The following AMPD1 variants were observed in gnomAD, a reference collection of about 807,000 sequenced individuals.
AMPD1 encodes AMP deaminase 1.
Under a neutral mutation model 82.9 loss-of-function variants are expected in AMPD1, and 74 were observed. The ratio of observed to expected loss-of-function variants is 0.89; its 90% confidence interval spans 0.74 to 1.08. The LOEUF is 1.08. AMPD1 is among the 50% of genes least tolerant of loss of function. The pLI is 0.00. For missense variants in AMPD1, 881 were observed against 924.5 expected (o/e 0.95, Z 0.61); for synonymous variants, 333 against 320.5 (o/e 1.04, Z -0.42).
At chr1:114,678,151 G>C in intron 8 of AMPD1, 110 bp from the exon 9 acceptor site, 1 of 1,497,878 alleles carries the variant, frequency 6.7e-7, no homozygotes, top group Non-Finnish European at 9.2e-7. Flanking sequence ...GAGGGCATTG[G>C]GCTCCAAGAA....
chr1:114,678,924 G>C (rs1021461641), intron 7 of AMPD1, among the ~76,000 whole-genome samples: 2 of 152,196 alleles, frequency 1.3e-5, no homozygotes, highest in East Asian at 3.8e-4. Context: ...TGGCTTTTAT[G>C]AGGTAGATAT....
intron 11 of AMPD1, 64 bp downstream of exon 11, chr1:114,675,813 T>G: frequency 6.2e-7 from 1 of 1,613,642 alleles, no homozygotes; most frequent in South Asian, 1.1e-5. Context: ...CAAGAATTAG[T>G]CATGACCAGG....
chr1:114,677,216 A>G, intron 10 of AMPD1, 135 bp downstream of exon 10: 1 of 1,198,272 alleles, frequency 8.3e-7, no homozygotes, highest in Non-Finnish European at 1.2e-6. Flanking sequence ...CCAAGCATGC[A>G]GGACCCGATA....
At position 114,674,781 on chromosome 1, in the gene AMPD1, C is replaced by T. The variant is rs2101711039; in HGVS notation, c.1771G>A (p.Asp591Asn). Reference sequence around the variant, plus strand: ...TTTAAATTTAGGCCATGAGAGATATCATCTGCTATCATGAATGCTGTCATG... The same window carrying T: ...TTTAAATTTAGGCCATGAGAGATATTATCTGCTATCATGAATGCTGTCATG... The part of the protein sequence containing the change: ...HLMTAFMIAD[D>N]ISHGLNLKKS... The change falls in exon 13 of 16, where the codon GAT becomes AAT. Residue 591 changes from aspartate (D) to asparagine (N), a missense_variant. By Grantham distance (23) the Asp-to-Asn change is conservative. Transcript: ENST00000520113. 1 of 1,613,690 alleles carries T rather than the reference C, an allele frequency of 6.2e-7. No homozygotes were observed. Among genetic ancestry groups the T allele is most frequent in the Non-Finnish European group, 8.5e-7 (1 of 1,179,594 alleles).
rs991160083 is a variant in AMPD1 at position 114,688,491 on chromosome 1, A to G, written c.215+70T>C. 12 of 1,535,522 alleles carry G rather than the reference A, an allele frequency of 7.8e-6. No homozygotes were observed. The Admixed American group carries it at 1.7e-4, about 21-fold the overall frequency. Reference sequence around the variant, plus strand: ...TTGAACCATCATTTGGATAAATTGAACCATATCTTCCCTGGCAGATACCCC... The same window carrying G: ...TTGAACCATCATTTGGATAAATTGAGCCATATCTTCCCTGGCAGATACCCC... On this transcript the variant is annotated intron_variant, in intron 3 of 15. Transcript: ENST00000520113.
intron 7 of AMPD1, 114 bp from the exon 8 acceptor site, chr1:114,678,641 G>T: frequency 1.0e-6 from 1 of 969,980 alleles, no homozygotes. Context: ...GAATAATGAG[G>T]ATGTGAGCTG....
chr1:114,677,455 G>T lies in AMPD1; in HGVS notation c.1284C>A (p.Ile428=). Residue 428 remains isoleucine, a synonymous_variant, in exon 10 of 16, where the codon ATC becomes ATA. Transcript: ENST00000520113. ...TCCACTCATCAGGACTGCGGCCATAGATGGACAGGCGGGGCTCAGCATGCT... is the reference window on the plus strand; with the variant it reads ...TCCACTCATCAGGACTGCGGCCATATATGGACAGGCGGGGCTCAGCATGCT... ...KYQHAEPRLS[I]YGRSPDEWSK... The T allele has an allele frequency of 6.2e-7, 1 of 1,613,128 alleles. No individual in the cohort carries two copies. Among genetic ancestry groups the T allele is most frequent in the Middle Eastern group, 1.6e-4 (1 of 6,062 alleles).
In AMPD1 at chr1:114,673,995, C is replaced by A; in HGVS notation, c.1888G>T (p.Ala630Ser). Residue 630 changes from alanine to serine, a missense_variant, in exon 14 of 16, where the codon GCC becomes TCC. By Grantham distance (99) the Ala-to-Ser change is moderately conservative. Around this residue, in one of 2 missense-constraint regions of AMPD1, gnomAD observed 783 missense variants for 786.4 expected, o/e 1.00. Coordinates refer to ENST00000520113, the MANE Select transcript of AMPD1 (RefSeq NM_000036.3). ...AGGAAATCCAAAAAAGGATTTTTGG[C>A]ATACTCTAGAAATAGGCTATTGTTA... ...LSNNSLFLEYAKNPFLDFLQK... is the reference protein window; with the variant it reads ...LSNNSLFLEYSKNPFLDFLQK... 2 of 1,613,858 alleles carry A rather than the reference C, an allele frequency of 1.2e-6. No homozygotes were observed. Among genetic ancestry groups the A allele is most frequent in the Non-Finnish European group, 1.7e-6 (2 of 1,179,808 alleles).
rs1658418862 is a variant in AMPD1, at chr1:114,688,700, C to T, written c.76G>A (p.Ala26Thr). 1 of 1,614,076 alleles carries T rather than the reference C, an allele frequency of 6.2e-7. No individual in the cohort carries two copies. Among genetic ancestry groups the T allele is most frequent in the African/African-American group, 1.3e-5 (1 of 74,930 alleles). The change falls in exon 3 of 16, where the codon GCC becomes ACC. Residue 26 changes from alanine to threonine, a missense_variant. Ala to Thr is a moderately conservative substitution (Grantham distance 58, BLOSUM62 0). Transcript: ENST00000520113. ...CCTCCTTCATCTTTGACTTCAGAGG[C>T]AAACACTTTTTCAGCAAAGTTGCGC... ...AMRNFAEKVF[A>T]SEVKDEGGRQ...
At chr1:114,688,777 C>T (rs1368026117) in intron 2 of AMPD1, 36 bp from the exon 3 acceptor site, 39 of 1,612,602 alleles carry the variant, frequency 2.4e-5, no homozygotes, top group Non-Finnish European at 3.0e-5. Context: ...GTTCAAGCCC[C>T]TTTTCAAAAG....
intron 4 of AMPD1, among the ~76,000 whole-genome samples, chr1:114,685,339 G>C (rs986654713): frequency 1.3e-5 from 2 of 152,130 alleles, no homozygotes; most frequent in Admixed American, 1.3e-4. Context: ...AGCACACAAT[G>C]CCTAGCACAG....
intron 13 of AMPD1, 22 bp downstream of exon 13, chr1:114,674,730 A>G: frequency 6.2e-7 from 1 of 1,611,578 alleles, no homozygotes; most frequent in Admixed American, 1.7e-5. Context: ...TGTAAAAGTT[A>G]AGAAGAGAGC....
At chr1:114,676,716 A>C (rs1657993036) in intron 10 of AMPD1, among the ~76,000 whole-genome samples, 1 of 152,204 alleles carries the variant, frequency 6.6e-6, no homozygotes, top group Non-Finnish European at 1.5e-5. Flanking sequence ...AAGAGACAGG[A>C]TGAAACTCTT....
intron 12 of AMPD1, 154 bp from the exon 13 acceptor site, chr1:114,675,026 T>C: frequency 9.5e-7 from 1 of 1,052,216 alleles, no homozygotes; most frequent in Non-Finnish European, 1.4e-6. Flanking sequence ...TCTTGCTAAA[T>C]ACAAAGTTTC....
intron 10 of AMPD1, 200 bp from the exon 11 acceptor site, chr1:114,676,203 T>G (rs1463264941): frequency 2.2e-5 from 13 of 601,348 alleles, no homozygotes; most frequent in African/African-American, 3.7e-5. Flanking sequence ...AAATAAAAAT[T>G]TTTTGGTGGA....
At chr1:114,682,754 A>C (rs1658197901) in intron 5 of AMPD1, among the ~76,000 whole-genome samples, 1 of 151,962 alleles carries the variant, frequency 6.6e-6, no homozygotes. Context: ...AATTTTTTGT[A>C]TTTTTAGTAG....
intron 2 of AMPD1, among the ~76,000 whole-genome samples, chr1:114,693,112 A>G: frequency 7.2e-6 from 1 of 139,158 alleles, no homozygotes. Context: ...GTGACCATCC[A>G]TCTCAAAATA....
At position 114,680,436 on chromosome 1, in the gene AMPD1, G is replaced by A. The variant is rs776131096; in HGVS notation, c.590C>T (p.Thr197Ile). The A allele has an allele frequency of 5.0e-6, 8 of 1,614,178 alleles. No individual in the cohort carries two copies. In the South Asian group the frequency reaches 8.8e-5, roughly 18 times the overall value. ...GCCCAGGTTTTCAGGAAGGTTGTCT[G>A]TTCGGAAGGGGTCCTCTCCCTTCTT... ...PVKKGEDPFR[T>I]DNLPENLGYH... is the part of the protein sequence containing the mutation. Residue 197 changes from threonine (T) to isoleucine (I), a missense_variant, in exon 6 of 16, where the codon ACA becomes ATA. This residue lies in a region of AMPD1 where 783 missense variants were observed against 786.4 expected (regional missense o/e 1.00). Transcript: ENST00000520113.
intron 1 of AMPD1, among the ~76,000 whole-genome samples, chr1:114,694,390 C>T (rs1418750458): frequency 6.6e-6 from 1 of 151,920 alleles, no homozygotes; most frequent in Non-Finnish European, 1.5e-5. Flanking sequence ...AAAACATTAT[C>T]CTGCCAAAAG....
Sources: allele counts gnomAD v4.1 joint callset (sites outside exome capture counted in the v4.1 genomes callset), GRCh38; gene constraint gnomAD v4.1.1; regional missense constraint gnomAD v4.1.1; transcripts MANE v1.5; gene names NCBI Gene and HGNC (gene_info 2026-07-23, HGNC 2026-07-21).